The following MDC1 variants were observed in gnomAD, a reference collection of about 807,000 sequenced individuals.
MDC1 encodes mediator of DNA damage checkpoint 1.
Under a neutral mutation model 142.5 loss-of-function variants are expected in MDC1, and 81 were observed. That is an observed-to-expected ratio of 0.57 (90% confidence interval 0.47 to 0.68). The LOEUF (loss-of-function observed/expected upper bound fraction) is 0.68. Ranked by LOEUF, MDC1 falls within the 30% of genes least tolerant of loss-of-function variation. The probability of loss-of-function intolerance (pLI) is 0.00; values close to 1 mark genes in which losing one functional copy is unlikely to be tolerated. For missense variants in MDC1, 2,119 were observed against 2,547.9 expected, an observed-to-expected ratio of 0.83 and a Z score of 3.62; for synonymous variants, 797 against 968.4, an observed-to-expected ratio of 0.82 and a Z score of 3.29.
Position 30,703,762 on chromosome 6 carries a change from G to A in MDC1, c.5421C>T (p.Ala1807=), listed in dbSNP as rs183439754. Residue 1807 remains alanine, a synonymous_variant, in exon 10 of 15, where the codon GCC becomes GCT. Transcript: ENST00000376406. This position sits in a 1 kb window ranked among gnomAD's most constrained non-coding sequence, Gnocchi z 4.4. ...SRFTPELQPK[A]SQSRKRSLAT... ...CTAAAGACCTCTTGCGGCTTTGAGA[G>A]GCCTTAGGCTGGAGCTCCGGGGTGA... The A allele has an allele frequency of 9.7e-6, 15 of 1,552,340 alleles. No homozygotes were observed. The highest frequency in any genetic ancestry group is 1.4e-5 in the African/African-American group (1 of 72,680).
rs1434570260 is a variant in MDC1, at chr6:30,704,901, G to A, written c.4282C>T (p.Pro1428Ser). 6.2e-7 allele frequency: 1 copy of A among 1,605,434 alleles called. No homozygotes were observed. The highest frequency in any genetic ancestry group is 8.5e-7 in the Non-Finnish European group (1 of 1,175,916). Residue 1428 changes from proline to serine, a missense_variant, in exon 10 of 15, where the codon CCC becomes TCC. Transcript: ENST00000376406. The stretch of plus-strand genomic sequence containing the variant: ...CTGCCCCTGGTGGCCTGAGATGTGG[G>A]CTCAGGAGTGACAGGTTGGTCTGTG... ...TSTDQPVTPEPTSQATRGRTN... is the reference protein window; with the variant it reads ...TSTDQPVTPESTSQATRGRTN...
rs200924734 is a variant in MDC1 at position 30,713,629 on chromosome 6, C to G, written c.587+19G>C. 1.2e-6 allele frequency: 2 copies of G among 1,611,186 alleles called. No individual in the cohort carries two copies. The highest frequency in any genetic ancestry group is 2.2e-5 in the South Asian group (2 of 90,852). Reference sequence around the variant, plus strand: ...TTCCTCATTTTGAAGACTCAGGTGTCTGACTCTTTGGCACTCACCTCTCTG... The same window carrying G: ...TTCCTCATTTTGAAGACTCAGGTGTGTGACTCTTTGGCACTCACCTCTCTG... On this transcript the variant is annotated intron_variant, in intron 4 of 14. Coordinates refer to ENST00000376406, the MANE Select transcript of MDC1 (RefSeq NM_014641.3). The surrounding 1 kb of genome is among the most constrained non-coding windows in gnomAD (Gnocchi z 4.9).
In MDC1 at chr6:30,713,514, T is replaced by C; in HGVS notation, c.587+134A>G. On this transcript the variant is annotated intron_variant, in intron 4 of 14. Coordinates refer to ENST00000376406, the MANE Select transcript of MDC1 (RefSeq NM_014641.3). This position sits in a 1 kb window ranked among gnomAD's most constrained non-coding sequence, Gnocchi z 4.9. ...CACATCAGATGTGCTCCATAAAAAT[T>C]CAGCTGAGTGAATGAATATGTATGG... The C allele has an allele frequency of 1.6e-6, 2 of 1,248,854 alleles. No homozygotes were observed. The highest frequency in any genetic ancestry group is 2.2e-6 in the Non-Finnish European group (2 of 913,722). 77.4% of individuals were successfully genotyped at this position (1,248,854 alleles called of 1,614,324 possible).
rs1297842399 is a variant in MDC1, at chr6:30,708,250, G to C, written c.2329C>G (p.Pro777Ala). ...ATTGCCCTAGGTGGAGACAGGCAAG[G>C]TCCATAGGCCTCAAGGTGCGTGTCA... ...PFDTHLEAYG[P>A]CLSPPRAIPG... The change falls in exon 8 of 15, where the codon CCT becomes GCT. Residue 777 changes from proline to alanine, a missense_variant. Coordinates refer to ENST00000376406, the MANE Select transcript of MDC1 (RefSeq NM_014641.3). The C allele has an allele frequency of 1.2e-6, 2 of 1,612,926 alleles. No homozygotes were observed. The highest frequency in any genetic ancestry group is 2.7e-5 in the African/African-American group (2 of 74,880).
intron 14 of MDC1, among the ~76,000 whole-genome samples, chr6:30,700,990 G>A (rs1195115895): frequency 1.4e-5 from 2 of 146,124 alleles, no homozygotes; most frequent in African/African-American, 5.1e-5. Flanking sequence ...GGAGAATGGC[G>A]TGAAAACCCA....
At position 30,704,786 on chromosome 6, in the gene MDC1, G is replaced by T; in HGVS notation, c.4397C>A (p.Thr1466Asn). The change falls in exon 10 of 15, where the codon ACC becomes AAC. Residue 1466 changes from threonine to asparagine, a missense_variant. Transcript: ENST00000376406. ...AGTAGCCTGAGACGTAGGCTCAGGG[G>T]TAACAGGCTGGTCTGTGGAGGTGGA... Reference protein sequence around the residue: ...QPSTSTDQPVTPEPTSQATRG... With the variant: ...QPSTSTDQPVNPEPTSQATRG... 6.2e-7 allele frequency: 1 copy of T among 1,613,000 alleles called. No homozygotes were observed. The highest frequency in any genetic ancestry group is 8.5e-7 in the Non-Finnish European group (1 of 1,179,546).
At chr6:30,708,411 A>G in intron 7 of MDC1, 54 bp from the exon 8 acceptor site, 1 of 1,420,274 alleles carries the variant, frequency 7.0e-7, no homozygotes. Flanking sequence ...AAAGAGGGAG[A>G]GGAAGAGGGA....
Position 30,707,722 on chromosome 6 carries a change from C to T in MDC1, c.2857G>A (p.Gly953Arg), listed in dbSNP as rs1774134230. 2 of 1,613,096 alleles carry T rather than the reference C, an allele frequency of 1.2e-6. No individual in the cohort carries two copies. The highest frequency in any genetic ancestry group is 8.5e-7 in the Non-Finnish European group (1 of 1,180,038). ...ERDTQRGEPE[G>R]GSQDQKGQAS... ...TGCCCTTTCTGGTCCTGGCTCCCTC[C>T]CTCTGGCTCCCCTCTCTGTGTATCT... Residue 953 changes from glycine to arginine, a missense_variant, in exon 8 of 15, where the codon GGA becomes AGA. Physicochemically the swap from Gly to Arg is moderately radical, Grantham distance 125 (BLOSUM62 -2). Transcript: ENST00000376406.
Position 30,711,688 on chromosome 6 carries a change from GA to G in MDC1, c.2106del (p.Leu703TrpfsTer22). ...EDLDLQATQC[F>X]LENQGLEAVQ... ...TCACCTTCCAGGCCCTGATTCTCCA[GA>G]AAGCACTGGGTAGCTTGTAGGTCCA... On this transcript the variant is annotated frameshift_variant, in exon 6 of 15. Coordinates refer to ENST00000376406, the MANE Select transcript of MDC1 (RefSeq NM_014641.3). LOFTEE classifies it high-confidence loss of function. 1.2e-6 allele frequency: 2 copies of G among 1,613,010 alleles called. No individual in the cohort carries two copies. Among genetic ancestry groups the G allele is most frequent in the Non-Finnish European group, 1.7e-6 (2 of 1,180,002 alleles).
chr6:30,711,100 C>A (rs936367808), intron 7 of MDC1, among the ~76,000 whole-genome samples: 2 of 152,228 alleles, frequency 1.3e-5, no homozygotes, highest in African/African-American at 4.8e-5. Context: ...GCAGGCCGGG[C>A]GCAGTGGCTT....
chr6:30,706,163 T>C, intron 9 of MDC1, 65 bp from the exon 10 acceptor site: 1 of 1,332,602 alleles, frequency 7.5e-7, no homozygotes. Context: ...TTGGATACTG[T>C]TCTTGATACT....
chr6:30,699,864 T>A lies in MDC1; in HGVS notation c.*601A>T. 1 of 221,058 alleles carries A rather than the reference T, an allele frequency of 4.5e-6. No individual in the cohort carries two copies. The highest frequency in any genetic ancestry group is 9.1e-6 in the Non-Finnish European group (1 of 110,376). The allele number at this position is 221,058 out of a possible 1,614,324, so 13.7% of individuals were successfully genotyped here. A position where few individuals can be genotyped will look rare whatever the true frequency, so the allele number is the denominator to read the frequency against. ...AGGTCAAGCCGAAGCTCTAATTTTATAAATCCTGGAAAAGCTGGCCAGAAA... is the reference window on the plus strand; with the variant it reads ...AGGTCAAGCCGAAGCTCTAATTTTAAAAATCCTGGAAAAGCTGGCCAGAAA... On this transcript the variant is annotated 3_prime_UTR_variant, in exon 15 of 15. Coordinates refer to ENST00000376406, the MANE Select transcript of MDC1 (RefSeq NM_014641.3).
Position 30,705,275 on chromosome 6 carries a change from G to T in MDC1, c.3908C>A (p.Pro1303His). Residue 1303 changes from proline (P) to histidine (H), a missense_variant, in exon 10 of 15, where the codon CCC becomes CAC. Transcript: ENST00000376406. Reference sequence around the variant, plus strand: ...CCTAGTGGTCCGAGATGTGGGCTTGGGGGTGACAGGTCGGTCTGTGGAGGT... The same window carrying T: ...CCTAGTGGTCCGAGATGTGGGCTTGTGGGTGACAGGTCGGTCTGTGGAGGT... ...PSTSTDRPVT[P>H]KPTSRTTRSR... 3 of 1,603,826 alleles carry T rather than the reference G, an allele frequency of 1.9e-6. No individual in the cohort carries two copies. In the South Asian group the frequency reaches 3.3e-5, roughly 18 times the overall value.
At chr6:30,702,999 T>C in intron 12 of MDC1, 105 bp downstream of exon 12, 2 of 1,577,960 alleles carry the variant, frequency 1.3e-6, no homozygotes, top group East Asian at 2.3e-5. Context: ...GGCTCACCAA[T>C]GCCCCTGTCT....
chr6:30,715,259 G>C lies in MDC1; in HGVS notation c.-3-81C>G. The stretch of plus-strand genomic sequence containing the variant: ...CAGAGTTATCAGACTGAAAACTAGG[G>C]GGTAAACTGGATCATTATGAACGTT... On this transcript the variant is annotated intron_variant, in intron 1 of 14. Coordinates refer to ENST00000376406, the MANE Select transcript of MDC1 (RefSeq NM_014641.3). This position sits in a 1 kb window ranked among gnomAD's most constrained non-coding sequence, Gnocchi z 4.1. 6.9e-7 allele frequency: 1 copy of C among 1,447,528 alleles called. No homozygotes were observed. Among genetic ancestry groups the C allele is most frequent in the Non-Finnish European group, 9.7e-7 (1 of 1,032,604 alleles). The allele number at this position is 1,447,528 out of a possible 1,614,324, so 89.7% of individuals were successfully genotyped here. A position where few individuals can be genotyped will look rare whatever the true frequency, so the allele number is the denominator to read the frequency against.
In MDC1 at chr6:30,699,932, G is replaced by C. The variant is rs1772365426; in HGVS notation, c.*533C>G. On this transcript the variant is annotated 3_prime_UTR_variant, in exon 15 of 15. Transcript: ENST00000376406. ...AAAGTCAAAGCTAAAGATGCTTCCA[G>C]AGGCCAGGAGAGAAGAAAATGTTTT... The C allele has an allele frequency of 4.4e-6, 1 of 224,952 alleles. No individual in the cohort carries two copies. The highest frequency in any genetic ancestry group is 5.7e-5 in the Admixed American group (1 of 17,456). The allele number at this position is 224,952 out of a possible 1,614,324, so 13.9% of individuals were successfully genotyped here.
At position 30,703,095 on chromosome 6, in the gene MDC1, G is replaced by T; in HGVS notation, c.5865+9C>A. 1 of 1,610,550 alleles carries T rather than the reference G, an allele frequency of 6.2e-7. No homozygotes were observed. Among genetic ancestry groups the T allele is most frequent in the Non-Finnish European group, 8.5e-7 (1 of 1,178,390 alleles). Reference sequence around the variant, plus strand: ...TATATCGGTCTGTCATCATCCCTTGGCCTCTCACCTGATGCAGCCAGTCCA... The same window carrying T: ...TATATCGGTCTGTCATCATCCCTTGTCCTCTCACCTGATGCAGCCAGTCCA... On this transcript the variant is annotated intron_variant, in intron 12 of 14. Transcript: ENST00000376406. This position sits in a 1 kb window ranked among gnomAD's most constrained non-coding sequence, Gnocchi z 4.4.
At position 30,700,574 on chromosome 6, in the gene MDC1, C is replaced by T. The variant is rs143962886; in HGVS notation, c.6161G>A (p.Arg2054Gln). The change falls in exon 15 of 15, where the codon CGG becomes CAG. Residue 2054 changes from arginine to glutamine, a missense_variant. Transcript: ENST00000376406. ...QDFPHCSIPL[R>Q]VGLPLLSPEF... ...AGGCGAGAGGAGGGGCAGCCCAACCCGTAGTGGAATGGAGCAATGAGGGAA... is the reference window on the plus strand; with the variant it reads ...AGGCGAGAGGAGGGGCAGCCCAACCTGTAGTGGAATGGAGCAATGAGGGAA... 5.0e-6 allele frequency: 8 copies of T among 1,612,906 alleles called. No homozygotes were observed. In the African/African-American group the frequency reaches 8.0e-5, roughly 16 times the overall value.
chr6:30,703,676 G>A lies in MDC1; in HGVS notation c.5507C>T (p.Thr1836Ile). Residue 1836 changes from threonine (T) to isoleucine (I), a missense_variant, in exon 10 of 15, where the codon ACA becomes ATA. Physicochemically the swap from Thr to Ile is moderately conservative, Grantham distance 89. Transcript: ENST00000376406. This position sits in a 1 kb window ranked among gnomAD's most constrained non-coding sequence, Gnocchi z 4.4. ...TTCTTCCTCTTCCTTGATAATCACT[G>A]TCTTCTGGGAGACTTCCCCTCTTTG... ...QPQRGEVSQK[T>I]VIIKEEEEDT... The A allele has an allele frequency of 6.4e-7, 1 of 1,551,062 alleles. No individual in the cohort carries two copies. Among genetic ancestry groups the A allele is most frequent in the Non-Finnish European group, 8.7e-7 (1 of 1,153,332 alleles).
Sources: allele counts gnomAD v4.1 joint callset (sites outside exome capture counted in the v4.1 genomes callset), GRCh38; gene constraint gnomAD v4.1.1; non-coding constraint Gnocchi (gnomAD v3.1); transcripts MANE v1.5; gene names NCBI Gene and HGNC (gene_info 2026-07-23, HGNC 2026-07-21).